The following PCDH11X variants were observed in gnomAD, a reference collection of about 807,000 sequenced individuals.
PCDH11X encodes protocadherin 11 X-linked.
A neutral mutation model predicts 53.3 loss-of-function variants in PCDH11X; 18 were observed. That is an observed-to-expected ratio of 0.34 (90% confidence interval 0.23 to 0.50). The LOEUF is 0.50. Ranked by LOEUF, PCDH11X falls within the 20% of genes least tolerant of loss-of-function variation. The pLI is 0.98. For missense variants in PCDH11X, 570 were observed against 1,032.4 expected (o/e 0.55, Z 6.14); for synonymous variants, 279 against 393.3 (o/e 0.71, Z 3.44).
At chrX:92,240,257 G>A (rs1392635057) in intron 7 of PCDH11X, among the ~76,000 whole-genome samples, 2 of 111,493 alleles carry the variant, frequency 1.8e-5, no homozygotes, top group Admixed American at 1.9e-4. Flanking sequence ...GCTACAGTCT[G>A]GGAACAATTC....
At chrX:92,585,373 CTTTTTTTTT>C (rs1273543624) in intron 10 of PCDH11X, among the ~76,000 whole-genome samples, 1 of 92,414 alleles carries the variant, frequency 1.1e-5, no homozygotes, top group Non-Finnish European at 2.1e-5. Flanking sequence ...CTTTCTTTTT[CTTTTTTTTT>C]TTTTTTTGGG....
intron 9 of PCDH11X, among the ~76,000 whole-genome samples, chrX:92,406,750 C>T (rs1372767051): frequency 3.0e-5 from 3 of 100,980 alleles, no homozygotes; most frequent in Non-Finnish European, 4.0e-5. Flanking sequence ...ATGGTGAAAC[C>T]GGTCTACAAA....
At chrX:92,245,327 T>C (rs2067329142) in intron 7 of PCDH11X, among the ~76,000 whole-genome samples, 1 of 112,295 alleles carries the variant, frequency 8.9e-6, no homozygotes, top group African/African-American at 3.2e-5. Context: ...ATGATAGATA[T>C]TGGAATTGAG....
At chrX:91,922,418 C>T (rs1941776895) in intron 6 of PCDH11X, among the ~76,000 whole-genome samples, 1 of 111,484 alleles carries the variant, frequency 9.0e-6, no homozygotes, top group Non-Finnish European at 1.9e-5. Context: ...GTTTAAGAGG[C>T]TTTAGATCAG....
chrX:92,585,226 C>T (rs944717210), intron 10 of PCDH11X, among the ~76,000 whole-genome samples: 5 of 110,461 alleles, frequency 4.5e-5, no homozygotes, highest in Non-Finnish European at 9.4e-5. Flanking sequence ...GATTCATCCC[C>T]GTAATCCGAT....
rs150639413 is a variant in PCDH11X at position 91,876,930 on chromosome X, C to T, written c.690C>T (p.Ser230=). ...AAGATGGTGGCTTTCCTCAAAGATC[C>T]AGTACTGCTATTTTGCAAGTGAGTG... The part of the protein sequence containing the change: ...KVEDGGFPQR[S]STAILQVSVT... Residue 230 remains serine, a synonymous_variant, in exon 6 of 11, where the codon TCC becomes TCT. Coordinates refer to ENST00000682573, the MANE Select transcript of PCDH11X (RefSeq NM_032968.5). 1.7e-6 allele frequency: 2 copies of T among 1,208,250 alleles called. No individual in the cohort carries two copies. Among genetic ancestry groups the T allele is most frequent in the African/African-American group, 1.8e-5 (1 of 56,672 alleles).
chrX:91,931,883 G>A (rs920268252), intron 6 of PCDH11X, among the ~76,000 whole-genome samples: 1 of 110,756 alleles, frequency 9.0e-6, no homozygotes, highest in Non-Finnish European at 1.9e-5. Flanking sequence ...TGTTACATAC[G>A]TAAATATGTG....
At chrX:92,239,919 A>G (rs972085422) in intron 7 of PCDH11X, among the ~76,000 whole-genome samples, 1 of 112,238 alleles carries the variant, frequency 8.9e-6, no homozygotes, top group African/African-American at 3.2e-5. Flanking sequence ...TTTTTATCTC[A>G]ACATTTAATT....
chrX:92,331,249 A>AT (rs1453469195), intron 8 of PCDH11X, among the ~76,000 whole-genome samples: 1 of 70,389 alleles, frequency 1.4e-5, no homozygotes, highest in African/African-American at 5.7e-5. Context: ...TCATGAGCTG[A>AT]TTTTTTCTTT....
intron 4 of PCDH11X, among the ~76,000 whole-genome samples, chrX:91,822,652 G>GT (rs1204814983): frequency 3.2e-5 from 3 of 94,854 alleles, no homozygotes; most frequent in Non-Finnish European, 6.6e-5. Context: ...TTTTTGAAGG[G>GT]TTTTTTGTGT....
chrX:91,901,997 C>T (rs1416060814), intron 6 of PCDH11X, among the ~76,000 whole-genome samples: 1 of 111,081 alleles, frequency 9.0e-6, no homozygotes, highest in East Asian at 2.8e-4. Flanking sequence ...GAAAAAGTCC[C>T]AGTTGGTAGG....
At chrX:91,990,300 CTT>C (rs1296271489) in intron 6 of PCDH11X, among the ~76,000 whole-genome samples, 1 of 104,603 alleles carries the variant, frequency 9.6e-6, no homozygotes, top group Non-Finnish European at 1.9e-5. Context: ...TTATTTATAT[CTT>C]TTGTTTTTTC....
rs1233546200 is a variant in PCDH11X at position 92,576,009 on chromosome X, T to C, written c.3368-42255T>C. 8.7e-3 allele frequency among the ~76,000 whole-genome samples: 265 copies of C among 30,384 alleles called. 9 individuals are homozygous for C. Among genetic ancestry groups the C allele is most frequent in the African/African-American group, 0.033 (156 of 4,685 alleles). 26.4% of individuals were successfully genotyped at this position (30,384 alleles called of 115,157 possible). ...ATATATATATATATATATATATATA[T>C]ATACACACACACACACACACACACA... On this transcript the variant is annotated intron_variant, in intron 10 of 10. Coordinates refer to ENST00000682573, the MANE Select transcript of PCDH11X (RefSeq NM_032968.5).
chrX:91,925,399 T>A (rs949764434), intron 6 of PCDH11X, among the ~76,000 whole-genome samples: 15 of 111,377 alleles, frequency 1.3e-4, no homozygotes, highest in Non-Finnish European at 2.8e-4. Flanking sequence ...TAAAAAAAAA[T>A]CCTAAGTTGA....
At chrX:92,017,897 A>T (rs2062823506) in intron 6 of PCDH11X, among the ~76,000 whole-genome samples, 1 of 105,871 alleles carries the variant, frequency 9.4e-6, no homozygotes, top group Non-Finnish European at 1.9e-5. Flanking sequence ...TCTATGAAGC[A>T]CAACGAAATG....
At chrX:91,936,284 A>T (rs1388596015) in intron 6 of PCDH11X, among the ~76,000 whole-genome samples, 1 of 109,546 alleles carries the variant, frequency 9.1e-6, no homozygotes, top group Non-Finnish European at 1.9e-5. Flanking sequence ...TATCCTTAGT[A>T]CCCCTCAATT....
chrX:92,386,611 G>A (rs2071016453), intron 8 of PCDH11X, among the ~76,000 whole-genome samples: 1 of 110,924 alleles, frequency 9.0e-6, no homozygotes, highest in Non-Finnish European at 1.9e-5. Context: ...AGATAGTTAG[G>A]ATGACTCCAA....
intron 5 of PCDH11X, among the ~76,000 whole-genome samples, chrX:91,867,562 G>A (rs937688473): frequency 8.3e-5 from 9 of 108,418 alleles, no homozygotes; most frequent in African/African-American, 2.7e-4. Context: ...CTAAATTAAA[G>A]CAGGAAAGTA....
chrX:92,012,838 A>C (rs1310985563), intron 6 of PCDH11X, among the ~76,000 whole-genome samples: 1 of 111,939 alleles, frequency 8.9e-6, no homozygotes, highest in Non-Finnish European at 1.9e-5. Context: ...TATAAACATA[A>C]AAAAGTTATG....
Sources: allele counts gnomAD v4.1 joint callset (sites outside exome capture counted in the v4.1 genomes callset), GRCh38; gene constraint gnomAD v4.1.1; transcripts MANE v1.5; gene names NCBI Gene and HGNC (gene_info 2026-07-23, HGNC 2026-07-21).